Variants in BAHD1 observed in about 807,000 individuals in gnomAD.
The protein encoded by BAHD1 is bromo adjacent homology domain containing 1, also known as bromo adjacent homology domain-containing 1 protein.
A neutral mutation model predicts 63.1 loss-of-function variants in BAHD1; 20 were observed. That is an observed-to-expected ratio of 0.32 (90% CI 0.22 to 0.46). The LOEUF (loss-of-function observed/expected upper bound fraction) is 0.46. Ranked by LOEUF, BAHD1 falls within the 20% of genes least tolerant of loss-of-function variation. The pLI is 1.00. For missense variants in BAHD1, 939 were observed against 1,071.8 expected (o/e 0.88, Z 1.73); for synonymous variants, 408 against 426.8 (o/e 0.96, Z 0.54).
upstream of BAHD1, among the ~76,000 whole-genome samples, chr15:40,439,383 T>C (rs1893342119): frequency 2.0e-5 from 3 of 152,202 alleles, no homozygotes; most frequent in African/African-American, 7.2e-5. Context: ...CCCAGCCATA[T>C]TGGCTAGCAG....
At chr15:40,446,821 G>A (rs566966960) in intron 1 of BAHD1, among the ~76,000 whole-genome samples, 5 of 152,120 alleles carry the variant, frequency 3.3e-5, no homozygotes, top group Admixed American at 6.5e-5. Flanking sequence ...TCTTTCTGCC[G>A]TTCTCTTGAC....
At chr15:40,465,063 T>C in intron 5 of BAHD1, 2 of 502,160 alleles carry the variant, frequency 4.0e-6, no homozygotes, top group Non-Finnish European at 7.2e-6. Context: ...ATTTCCCCTC[T>C]CCTACGCTAG....
intron 2 of BAHD1, among the ~76,000 whole-genome samples, chr15:40,461,576 G>T (rs1044598686): frequency 1.3e-5 from 2 of 151,932 alleles, no homozygotes; most frequent in Admixed American, 6.6e-5. Flanking sequence ...AGAGGCGGAG[G>T]TTGCAGTGAG....
At chr15:40,464,666 C>A in intron 5 of BAHD1, 119 bp downstream of exon 5, 1 of 797,746 alleles carries the variant, frequency 1.3e-6, no homozygotes, top group Non-Finnish European at 2.1e-6. Context: ...GCGCTTGTCA[C>A]TTTGGACTCC....
At chr15:40,445,271 AAAAAAC>A (rs1462204491) in intron 1 of BAHD1, among the ~76,000 whole-genome samples, 4 of 151,408 alleles carry the variant, frequency 2.6e-5, no homozygotes, top group Admixed American at 6.6e-5. Flanking sequence ...AAAAAAAAAA[AAAAAAC>A]AACCCTTTCA....
upstream of BAHD1, among the ~76,000 whole-genome samples, chr15:40,439,366 G>A (rs1343432310): frequency 1.3e-5 from 2 of 152,188 alleles, no homozygotes; most frequent in Non-Finnish European, 2.9e-5. Context: ...TCTGGGGGAG[G>A]TTGTTTCCCA....
intron 1 of BAHD1, among the ~76,000 whole-genome samples, chr15:40,442,028 G>A (rs2141461514): frequency 6.6e-6 from 1 of 152,184 alleles, no homozygotes; most frequent in African/African-American, 2.4e-5. Flanking sequence ...AGTCCGAGGT[G>A]TGGCGGGGGG....
In BAHD1 at chr15:40,466,085, T is replaced by C. The variant is rs745465359; in HGVS notation, c.2298T>C (p.His766=). The change falls in exon 7 of 7, where the codon CAT becomes CAC. Residue 766 remains histidine (H), a synonymous_variant. Coordinates refer to ENST00000416165, the MANE Select transcript of BAHD1 (RefSeq NM_014952.5). ...TDPELVFLCR[H]VYDFRHGRIL... ...CTGAGCTGGTGTTCCTTTGCCGCCA[T>C]GTCTATGACTTCCGCCACGGGCGCA... 7 of 1,614,008 alleles carry C rather than the reference T, an allele frequency of 4.3e-6. No individual in the cohort carries two copies. In the East Asian group the frequency reaches 1.3e-4, roughly 31 times the overall value.
upstream of BAHD1, among the ~76,000 whole-genome samples, chr15:40,438,350 G>A (rs373730088): frequency 4.6e-5 from 7 of 152,130 alleles, no homozygotes; most frequent in Non-Finnish European, 7.4e-5. Flanking sequence ...CAGGCAGGGT[G>A]TAGCCCCTGC....
At chr15:40,465,137 G>A in intron 5 of BAHD1, 198 bp from the exon 6 acceptor site, 1 of 590,654 alleles carries the variant, frequency 1.7e-6, no homozygotes, top group Non-Finnish European at 3.0e-6. Context: ...GGCTATTCTG[G>A]AGAAGGGGGG....
Position 40,458,534 on chromosome 15 carries a change from C to G in BAHD1, c.70C>G (p.Gln24Glu). 2 of 1,613,432 alleles carry G rather than the reference C, an allele frequency of 1.2e-6. No homozygotes were observed. Among genetic ancestry groups the G allele is most frequent in the Non-Finnish European group, 1.7e-6 (2 of 1,179,660 alleles). The change falls in exon 2 of 7, where the codon CAG becomes GAG. Residue 24 changes from glutamine to glutamate, a missense_variant. Coordinates refer to ENST00000416165, the MANE Select transcript of BAHD1 (RefSeq NM_014952.5). The surrounding 1 kb of genome is among the most constrained non-coding windows in gnomAD (Gnocchi z 4.7). ...SGLTGRREPLQMEDSNMEQGV... is the reference protein window; with the variant it reads ...SGLTGRREPLEMEDSNMEQGV... ...CCTCACTGGCCGCCGAGAGCCCCTG[C>G]AGATGGAAGACAGCAACATGGAGCA...
intron 1 of BAHD1, among the ~76,000 whole-genome samples, chr15:40,452,777 TG>T (rs144412461): frequency 0.04 from 6,162 of 152,152 alleles, 387 homozygotes; most frequent in African/African-American, 0.13. Context: ...TGCTGCAGCT[TG>T]AGGGCCAGAG....
In BAHD1 at chr15:40,464,527, C is replaced by T. The variant is rs764913633; in HGVS notation, c.2032C>T (p.Arg678Cys). The change falls in exon 5 of 7, where the codon CGC becomes TGC. Residue 678 changes from arginine to cysteine, a missense_variant. Physicochemically the swap from Arg to Cys is radical, Grantham distance 180. Coordinates refer to ENST00000416165, the MANE Select transcript of BAHD1 (RefSeq NM_014952.5). The stretch of plus-strand genomic sequence containing the variant: ...CAGACCTGAGCACTTACAGGGAGGC[C>T]GCAGTCCCAGCATGCACGAGGTGAG... ...YYRPEHLQGGRSPSMHEPLQN... is the reference protein window; with the variant it reads ...YYRPEHLQGGCSPSMHEPLQN... 3.1e-6 allele frequency: 5 copies of T among 1,613,362 alleles called. No homozygotes were observed. The highest frequency in any genetic ancestry group is 4.2e-6 in the Non-Finnish European group (5 of 1,179,728).
Position 40,468,006 on chromosome 15 carries a change from C to A in BAHD1, c.*1876C>A, listed in dbSNP as rs1894263706. On this transcript the variant is annotated 3_prime_UTR_variant, in exon 7 of 7. Coordinates refer to ENST00000416165, the MANE Select transcript of BAHD1 (RefSeq NM_014952.5). Reference sequence around the variant, plus strand: ...TAGATGTGGAAATATTTTTTCGAACCTGAAAATGCAGCTGGTAGAATTTCA... The same window carrying A: ...TAGATGTGGAAATATTTTTTCGAACATGAAAATGCAGCTGGTAGAATTTCA... 1 of 152,562 alleles carries A rather than the reference C, an allele frequency of 6.6e-6. No individual in the cohort carries two copies. The highest frequency in any genetic ancestry group is 2.4e-5 in the African/African-American group (1 of 41,418). The allele number at this position is 152,562 out of a possible 1,614,324, so 9.5% of individuals were successfully genotyped here.
chr15:40,448,156 C>T (rs961054121), intron 1 of BAHD1, among the ~76,000 whole-genome samples: 5 of 151,672 alleles, frequency 3.3e-5, no homozygotes, highest in Non-Finnish European at 7.4e-5. Flanking sequence ...GCAGGAGAAT[C>T]GCTTGAACCT....
chr15:40,459,446 C>G lies in BAHD1; in HGVS notation c.982C>G (p.Pro328Ala). The change falls in exon 2 of 7, where the codon CCT becomes GCT. Residue 328 changes from proline (P) to alanine (A), a missense_variant. Transcript: ENST00000416165. ...TGGACAGGCGGCTCTGAAGCCGGAGCCTGGGCGCCCAGGCGAGGAGTCACC... is the reference window on the plus strand; with the variant it reads ...TGGACAGGCGGCTCTGAAGCCGGAGGCTGGGCGCCCAGGCGAGGAGTCACC... ...MGGQAALKPE[P>A]GRPGEESPAP... 1 of 1,613,550 alleles carries G rather than the reference C, an allele frequency of 6.2e-7. No individual in the cohort carries two copies. The highest frequency in any genetic ancestry group is 2.2e-5 in the East Asian group (1 of 44,876).
chr15:40,466,613 A>C lies in BAHD1; in HGVS notation c.*483A>C, dbSNP rs1468413517. 1.9e-5 allele frequency: 3 copies of C among 156,128 alleles called. No individual in the cohort carries two copies. Among genetic ancestry groups the C allele is most frequent in the Admixed American group, 6.3e-5 (1 of 15,916 alleles). 9.7% of individuals were successfully genotyped at this position (156,128 alleles called of 1,614,324 possible). On this transcript the variant is annotated 3_prime_UTR_variant, in exon 7 of 7. Transcript: ENST00000416165. ...GGACCAGGCTTTCCTAGATCCCAGC[A>C]CAGCTCTGAGCTTGTTCCTTTGAGG...
intron 1 of BAHD1, chr15:40,454,512 C>T (rs1339759569): frequency 6.6e-6 from 1 of 152,172 alleles, no homozygotes; most frequent in Admixed American, 6.5e-5. Flanking sequence ...ATTTGGGATT[C>T]AACCTGTGGT....
chr15:40,437,559 G>A (rs1022597591), upstream of BAHD1, among the ~76,000 whole-genome samples: 4 of 152,228 alleles, frequency 2.6e-5, no homozygotes, highest in Non-Finnish European at 5.9e-5. Flanking sequence ...AGTTCGTCCA[G>A]TGGGGCTGAG....
Sources: gnomAD v4.1 joint callset for allele counts (sites outside exome capture counted in the v4.1 genomes callset) on GRCh38, gnomAD v4.1.1 for gene constraint, Gnocchi (gnomAD v3.1) non-coding constraint, MANE v1.5 for transcripts, NCBI Gene and HGNC (gene_info 2026-07-23, HGNC 2026-07-21) for gene names.